RGS3: variants seen among roughly 807,000 people sequenced by gnomAD.
RGS3 encodes the protein regulator of G-protein signalling 3.
RGS3 carries 80 observed loss-of-function variants against 132.6 expected under a neutral mutation model. The ratio of observed to expected loss-of-function variants is 0.60; its 90% confidence interval spans 0.50 to 0.73. The LOEUF is 0.73. RGS3 is among the 30% of genes least tolerant of loss of function. RGS3 has a pLI of 0.00. For synonymous variants in RGS3, 598 were observed against 620.6 expected (o/e 0.96, Z 0.54); for missense variants, 1,382 against 1,530.8 (o/e 0.90, Z 1.62).
At chr9:113,574,502 G>T (rs72763831) in intron 19 of RGS3, among the ~76,000 whole-genome samples, 1 of 152,124 alleles carries the variant, frequency 6.6e-6, no homozygotes, top group South Asian at 2.1e-4. Flanking sequence ...AGGCCCTGGC[G>T]CATGGCTGCA....
At chr9:113,517,386 A>C in intron 15 of RGS3, 155 bp from the exon 14 acceptor site, 1 of 703,900 alleles carries the variant, frequency 1.4e-6, no homozygotes, top group Non-Finnish European at 2.6e-6. Flanking sequence ...CTTATGTATG[A>C]GGGGGTGTGT....
intron 1 of RGS3, among the ~76,000 whole-genome samples, chr9:113,452,788 C>T (rs910649013): frequency 1.9e-4 from 28 of 149,622 alleles, no homozygotes; most frequent in African/African-American, 5.4e-4. Flanking sequence ...TCGAGTTCAC[C>T]GATCTTTTTT....
At chr9:113,471,056 C>T (rs1829815066) in intron 3 of RGS3, among the ~76,000 whole-genome samples, 2 of 152,064 alleles carry the variant, frequency 1.3e-5, no homozygotes. Context: ...ATGATATTTT[C>T]CTTCAAAAAA....
Position 113,582,145 on chromosome 9 carries a change from C to A in RGS3, c.2038-1305C>A, listed in dbSNP as rs542772165. The A allele has an allele frequency of 2.6e-4, 261 of 985,490 alleles. No homozygotes were observed. The African/African-American group carries it at 4.3e-3, about 16-fold the overall frequency. The allele number at this position is 985,490 out of a possible 1,614,324, so 61.0% of individuals were successfully genotyped here. A position where few individuals can be genotyped will look rare whatever the true frequency, so the allele number is the denominator to read the frequency against. On this transcript the variant is annotated intron_variant, in intron 19 of 24. Transcript: ENST00000350696. ...CAAGCCATGGCTGAACACTGACTCC[C>A]AGCTGTGGGGCTTCACCATTACAGA... is the stretch of plus-strand genomic sequence containing the variant.
intron 14 of RGS3, among the ~76,000 whole-genome samples, chr9:113,510,049 A>C (rs1231067681): frequency 6.6e-6 from 1 of 152,170 alleles, no homozygotes; most frequent in Non-Finnish European, 1.5e-5. Context: ...CGAGCAGAAT[A>C]TACTGCACCC....
chr9:113,567,687 A>G (rs1370716117), intron 19 of RGS3, among the ~76,000 whole-genome samples: 1 of 152,246 alleles, frequency 6.6e-6, no homozygotes, highest in Non-Finnish European at 1.5e-5. Context: ...CTCAGGGGTC[A>G]TGCTGGGCTA....
intron 19 of RGS3, chr9:113,582,062 G>C: frequency 1.0e-6 from 1 of 985,384 alleles, no homozygotes; most frequent in Non-Finnish European, 1.2e-6. Context: ...GCTCACATCT[G>C]TGCTCCCAGA....
chr9:113,579,104 G>A lies in RGS3; in HGVS notation c.2038-4346G>A, dbSNP rs1394650569. Among the ~76,000 whole-genome samples, 4 of 152,186 alleles carry A rather than the reference G, an allele frequency of 2.6e-5. No individual in the cohort carries two copies. Among genetic ancestry groups the A allele is most frequent in the Non-Finnish European group, 5.9e-5 (4 of 68,044 alleles). Reference sequence around the variant, plus strand: ...CCCCCCAGTGCAGGAAGTGGTTTTCGAGGGCAGATGCAGAGCCCGGCATCC... The same window carrying A: ...CCCCCCAGTGCAGGAAGTGGTTTTCAAGGGCAGATGCAGAGCCCGGCATCC... On this transcript the variant is annotated intron_variant, in intron 19 of 24. Coordinates refer to ENST00000350696, the Ensembl canonical transcript of RGS3. This position sits in a 1 kb window ranked among gnomAD's most constrained non-coding sequence, Gnocchi z 4.3.
chr9:113,553,441 TAAAA>T (rs66536651), intron 19 of RGS3, among the ~76,000 whole-genome samples: 1 of 20,426 alleles, frequency 4.9e-5, no homozygotes, highest in African/African-American at 1.7e-4. Flanking sequence ...AAACTCTGTT[TAAAA>T]AAAAAAAAAA....
chr9:113,484,018 C>T, intron 5 of RGS3, 120 bp from the exon 4 acceptor site: 1 of 639,198 alleles, frequency 1.6e-6, no homozygotes, highest in Non-Finnish European at 2.8e-6. Context: ...ATTCTGTCCT[C>T]TGCAGAGGCT....
At chr9:113,584,591 G>A (rs549540242) in intron 20 of RGS3, among the ~76,000 whole-genome samples, 164 bp downstream of exon 18, 3 of 152,302 alleles carry the variant, frequency 2.0e-5, no homozygotes, top group African/African-American at 7.2e-5. Flanking sequence ...AGGCCCAATG[G>A]GACCAAGAAG....
At position 113,565,069 on chromosome 9, in the gene RGS3, T is replaced by G; in HGVS notation, c.2038-18381T>G. 3 of 1,129,844 alleles carry G rather than the reference T, an allele frequency of 2.7e-6. No individual in the cohort carries two copies. Among genetic ancestry groups the G allele is most frequent in the Non-Finnish European group, 2.2e-6 (2 of 910,412 alleles). The allele number at this position is 1,129,844 out of a possible 1,614,324, so 70.0% of individuals were successfully genotyped here. On this transcript the variant is annotated intron_variant, in intron 19 of 24. Coordinates refer to ENST00000350696, the Ensembl canonical transcript of RGS3. This position sits in a 1 kb window ranked among gnomAD's most constrained non-coding sequence, Gnocchi z 5.7. Reference sequence around the variant, plus strand: ...TGCTAGGGATCCCAGTGCCAGGGGGTGCCGTTGTGAGGGATGGACGCCTCT... The same window carrying G: ...TGCTAGGGATCCCAGTGCCAGGGGGGGCCGTTGTGAGGGATGGACGCCTCT...
chr9:113,461,098 G>A (rs1588130681), intron 1 of RGS3, among the ~76,000 whole-genome samples: 1 of 152,226 alleles, frequency 6.6e-6, no homozygotes, highest in Middle Eastern at 3.4e-3. Flanking sequence ...GTGTGTTTAT[G>A]TATGTGTATA....
chr9:113,539,459 G>A (rs1480852551), intron 19 of RGS3, among the ~76,000 whole-genome samples: 1 of 152,168 alleles, frequency 6.6e-6, no homozygotes, highest in Non-Finnish European at 1.5e-5. Context: ...ACAGGCACAT[G>A]CCACCATGCC....
At chr9:113,466,140 C>T (rs1446024068) in intron 3 of RGS3, among the ~76,000 whole-genome samples, 2 of 152,178 alleles carry the variant, frequency 1.3e-5, no homozygotes, top group Admixed American at 6.5e-5. Context: ...AGCCATAGAG[C>T]GTTCAGACTG....
chr9:113,563,127 T>G (rs557146841), intron 19 of RGS3, among the ~76,000 whole-genome samples: 73 of 152,362 alleles, frequency 4.8e-4, no homozygotes, highest in South Asian at 1.9e-3. Context: ...CTCACCATGC[T>G]ATGGTCCAGA....
chr9:113,463,713 G>T lies in RGS3; in HGVS notation c.415+1512G>T. ...TGGGGCAGCCCTACCTCCCGCTCGC[G>T]CTCCTCCCGCCCTGGAGACTCCGGT... On this transcript the variant is annotated intron_variant, in intron 3 of 24. Coordinates refer to ENST00000350696, the Ensembl canonical transcript of RGS3. The surrounding 1 kb of genome is among the most constrained non-coding windows in gnomAD (Gnocchi z 4.6). 1 of 1,454,826 alleles carries T rather than the reference G, an allele frequency of 6.9e-7. No individual in the cohort carries two copies. The highest frequency in any genetic ancestry group is 9.1e-7 in the Non-Finnish European group (1 of 1,104,114). 90.1% of individuals were successfully genotyped at this position (1,454,826 alleles called of 1,614,324 possible). A position where few individuals can be genotyped will look rare whatever the true frequency, so the allele number is the denominator to read the frequency against.
chr9:113,483,178 T>A, intron 5 of RGS3, 61 bp downstream of exon 3: 2 of 1,185,742 alleles, frequency 1.7e-6, no homozygotes, highest in South Asian at 2.7e-5. Context: ...CTGGGCTCAG[T>A]CCCAAGGTCC....
At chr9:113,594,249 C>G (rs10817493) in intron 21 of RGS3, 181 bp from the exon 20 acceptor site, 1,211,290 of 1,611,372 alleles carry the variant, frequency 0.75, 458,015 homozygotes, top group East Asian at 0.98. Context: ...GACCAATCTG[C>G]GGCCCCAAGG....
Sources: allele counts gnomAD v4.1 joint callset (sites outside exome capture counted in the v4.1 genomes callset), GRCh38; gene constraint gnomAD v4.1.1; non-coding constraint Gnocchi (gnomAD v3.1); transcripts MANE v1.5; gene names NCBI Gene and HGNC (gene_info 2026-07-23, HGNC 2026-07-21).